The following CNBD1 variants were observed in gnomAD, a reference collection of about 807,000 sequenced individuals.
The protein encoded by CNBD1 is cyclic nucleotide-binding domain-containing protein 1.
In CNBD1, 71 loss-of-function variants were observed where a neutral mutation model predicts 54.4. The observed-to-expected ratio is 1.30, with a 90% CI of 1.08 to 1.59. The LOEUF is 1.59. Ranked by LOEUF, CNBD1 falls within the 40% of genes most tolerant of loss-of-function variation. CNBD1 has a pLI of 0.00. For missense variants in CNBD1, 659 were observed against 518.0 expected, an observed-to-expected ratio of 1.27 and a Z score of -2.64; for synonymous variants, 182 against 170.7, an observed-to-expected ratio of 1.07 and a Z score of -0.51.
In CNBD1 at chr8:87,163,404, C is replaced by T. The variant is rs1466950473; in HGVS notation, c.432-42589C>T. 6.6e-6 allele frequency among the ~76,000 whole-genome samples: 1 copy of T among 151,722 alleles called. No individual in the cohort carries two copies. Among genetic ancestry groups the T allele is most frequent in the Non-Finnish European group, 1.5e-5 (1 of 67,910 alleles). On this transcript the variant is annotated intron_variant, in intron 4 of 10. Transcript: ENST00000518476. This position sits in a 1 kb window ranked among gnomAD's most constrained non-coding sequence, Gnocchi z 4.5. ...GAGATTGCATTGAATCTGCAGATCA[C>T]TTCAGGTCATATGAATAATTTAATA...
chr8:87,183,573 C>T (rs1813409795), intron 4 of CNBD1, among the ~76,000 whole-genome samples: 1 of 151,950 alleles, frequency 6.6e-6, no homozygotes, highest in Admixed American at 6.6e-5. Context: ...TGCTGGGGAG[C>T]TAATGTGGTC....
intron 6 of CNBD1, among the ~76,000 whole-genome samples, chr8:87,282,373 C>T (rs901358036): frequency 2.6e-5 from 4 of 151,516 alleles, no homozygotes. Flanking sequence ...ATTATTTGCC[C>T]TCCATTTTGG....
At chr8:86,993,570 T>A (rs904702260) in intron 4 of CNBD1, among the ~76,000 whole-genome samples, 1 of 152,218 alleles carries the variant, frequency 6.6e-6, no homozygotes, top group Non-Finnish European at 1.5e-5. Flanking sequence ...TGCTTATAGC[T>A]CATCTGAGAA....
At chr8:87,012,609 G>T (rs1255301367) in intron 4 of CNBD1, among the ~76,000 whole-genome samples, 1 of 152,032 alleles carries the variant, frequency 6.6e-6, no homozygotes, top group African/African-American at 2.4e-5. Flanking sequence ...ACCCTTTTAA[G>T]TCCTATAAAA....
At chr8:87,245,323 A>G (rs1280230555) in intron 6 of CNBD1, among the ~76,000 whole-genome samples, 1 of 152,068 alleles carries the variant, frequency 6.6e-6, no homozygotes, top group African/African-American at 2.4e-5. Context: ...AATAAAAGAG[A>G]TATGTTTATT....
chr8:87,090,611 G>C (rs1811185969), intron 4 of CNBD1, among the ~76,000 whole-genome samples: 1 of 151,700 alleles, frequency 6.6e-6, no homozygotes, highest in South Asian at 2.1e-4. Flanking sequence ...TCATTTGTCT[G>C]TAAAATCTAC....
Position 87,348,221 on chromosome 8 carries a change from T to C in CNBD1, c.1043-3464T>C, listed in dbSNP as rs945887599. ...AAACTTCATTCTTCTCAGATGCACT[T>C]ATCTTTAAGAATTTGCTCTACAGGG... On this transcript the variant is annotated intron_variant, in intron 8 of 10. Transcript: ENST00000518476. 3.9e-5 allele frequency among the ~76,000 whole-genome samples: 6 copies of C among 152,170 alleles called. No homozygotes were observed. In the East Asian group the frequency reaches 1.2e-3, roughly 29 times the overall value.
rs1809222143 is a variant in CNBD1, at chr8:86,918,496, G to A, written c.272+13302G>A. On this transcript the variant is annotated intron_variant, in intron 3 of 10. Coordinates refer to ENST00000518476, the MANE Select transcript of CNBD1 (RefSeq NM_173538.3). ...TCCCACAATTCCCATGTGTTGTGGGGAGGACCTGGTGGGAGATTATTGAAT... is the reference window on the plus strand; with the variant it reads ...TCCCACAATTCCCATGTGTTGTGGGAAGGACCTGGTGGGAGATTATTGAAT... Among the ~76,000 whole-genome samples the A allele has an allele frequency of 2.6e-5, 4 of 152,186 alleles. No individual in the cohort carries two copies. In the South Asian group the frequency reaches 8.3e-4, roughly 32 times the overall value.
chr8:87,400,384 GAC>G (rs1807535661), intron 2 of CNBD1, among the ~76,000 whole-genome samples: 2 of 151,948 alleles, frequency 1.3e-5, no homozygotes, highest in South Asian at 2.1e-4. Flanking sequence ...ATTCCTGAAA[GAC>G]TACCATTCTT....
intron 10 of CNBD1, among the ~76,000 whole-genome samples, chr8:87,364,542 G>C (rs1367317748): frequency 6.6e-6 from 1 of 151,466 alleles, no homozygotes; most frequent in Non-Finnish European, 1.5e-5. Flanking sequence ...TTGTTATATA[G>C]GTAAACTCAT....
At chr8:87,234,796 G>A (rs112120298) in intron 5 of CNBD1, among the ~76,000 whole-genome samples, 35 of 152,204 alleles carry the variant, frequency 2.3e-4, no homozygotes, top group African/African-American at 7.0e-4. Context: ...CGAGCTGTAT[G>A]TCATCATCAA....
chr8:87,133,586 C>T (rs563064394), intron 4 of CNBD1, among the ~76,000 whole-genome samples: 92 of 152,152 alleles, frequency 6.0e-4, no homozygotes, highest in South Asian at 3.1e-3. Flanking sequence ...CTCTTCCCTT[C>T]GGGCCCTTCT....
intron 4 of CNBD1, among the ~76,000 whole-genome samples, chr8:87,095,334 T>C (rs1442549726): frequency 6.6e-6 from 1 of 152,208 alleles, no homozygotes; most frequent in Non-Finnish European, 1.5e-5. Flanking sequence ...TTGACAGCCT[T>C]TATTAAACAT....
chr8:86,995,947 G>C (rs66527557), intron 4 of CNBD1, among the ~76,000 whole-genome samples: 24 of 152,026 alleles, frequency 1.6e-4, no homozygotes, highest in African/African-American at 5.1e-4. Flanking sequence ...ATGGCTTTCT[G>C]TTTCTTGCCA....
At chr8:87,040,178 G>A (rs1219385312) in intron 4 of CNBD1, among the ~76,000 whole-genome samples, 3 of 152,196 alleles carry the variant, frequency 2.0e-5, no homozygotes, top group Admixed American at 6.5e-5. Context: ...TTCCCAGGAG[G>A]AAGGGGGGTT....
intron 4 of CNBD1, among the ~76,000 whole-genome samples, chr8:86,987,823 A>C (rs964864024): frequency 5.3e-5 from 8 of 152,166 alleles, no homozygotes; most frequent in African/African-American, 1.7e-4. Context: ...TTAAACCAGC[A>C]TTGTATCCCA....
At chr8:87,103,127 C>A (rs1225025503) in intron 4 of CNBD1, among the ~76,000 whole-genome samples, 3 of 152,136 alleles carry the variant, frequency 2.0e-5, no homozygotes, top group African/African-American at 7.2e-5. Context: ...ACCAAAGGAT[C>A]TGTGCTGAAG....
chr8:87,002,594 T>G (rs528361433), intron 4 of CNBD1, among the ~76,000 whole-genome samples: 1 of 152,160 alleles, frequency 6.6e-6, no homozygotes, highest in South Asian at 2.1e-4. Context: ...AAACCTTTTT[T>G]TTTTTTTCAA....
rs537938514 is a variant in CNBD1, at chr8:87,367,011, G to A, written c.1303+13225G>A. ...TAAGGTAGTACATTTTCCTCCCTGG[G>A]AATCCAGAGATAACTTCAGATTTCC... is the stretch of plus-strand genomic sequence containing the variant. On this transcript the variant is annotated intron_variant, in intron 10 of 10. Coordinates refer to ENST00000518476, the MANE Select transcript of CNBD1 (RefSeq NM_173538.3). Among the ~76,000 whole-genome samples the A allele has an allele frequency of 4.6e-5, 7 of 152,030 alleles. No individual in the cohort carries two copies. In the East Asian group the frequency reaches 1.2e-3, roughly 25 times the overall value.
Sources: allele counts gnomAD v4.1 joint callset (sites outside exome capture counted in the v4.1 genomes callset), GRCh38; gene constraint gnomAD v4.1.1; non-coding constraint Gnocchi (gnomAD v3.1); transcripts MANE v1.5; gene names NCBI Gene and HGNC (gene_info 2026-07-23, HGNC 2026-07-21).